The following MAGI2 variants were observed in gnomAD, a reference collection of about 807,000 sequenced individuals.
MAGI2 encodes the protein membrane associated guanylate kinase, WW and PDZ domain containing 2.
MAGI2 carries 35 observed loss-of-function variants against 133.3 expected under a neutral mutation model. The ratio of observed to expected loss-of-function variants is 0.26; its 90% CI spans 0.20 to 0.35. MAGI2 has a LOEUF of 0.35. Ranked by LOEUF, MAGI2 falls within the 10% of genes least tolerant of loss-of-function variation. The probability of loss-of-function intolerance (pLI) is 1.00; values close to 1 mark genes in which losing one functional copy is unlikely to be tolerated. For missense variants in MAGI2, 1,636 were observed against 1,863.4 expected (o/e 0.88, Z 2.25); for synonymous variants, 729 against 710.6 (o/e 1.03, Z -0.41).
intron 1 of MAGI2, among the ~76,000 whole-genome samples, chr7:79,367,082 C>G (rs749398965): frequency 1.3e-5 from 2 of 152,198 alleles, no homozygotes; most frequent in Admixed American, 6.5e-5. Flanking sequence ...TGCAAATTAA[C>G]TGATCCTGGC....
intron 2 of MAGI2, among the ~76,000 whole-genome samples, chr7:78,912,767 CATATATATATCATTCAT>C (rs1273029367): frequency 1.4e-3 from 202 of 143,968 alleles, no homozygotes; most frequent in African/African-American, 4.7e-3. Flanking sequence ...ATATATCATT[CATATATATATCATTCAT>C]ATATATATAT....
chr7:79,162,130 T>G (rs1367153409), intron 1 of MAGI2, among the ~76,000 whole-genome samples: 2 of 152,080 alleles, frequency 1.3e-5, no homozygotes, highest in Non-Finnish European at 2.9e-5. Context: ...AGCCCTAAGT[T>G]GTTTTTTCGA....
chr7:79,308,928 T>G (rs1412238305), intron 1 of MAGI2, among the ~76,000 whole-genome samples: 2 of 152,226 alleles, frequency 1.3e-5, no homozygotes, highest in Non-Finnish European at 2.9e-5. Context: ...ACCTCAAAAT[T>G]AATTCAAAGT....
chr7:78,233,219 CAAAAA>C (rs1393894081), intron 10 of MAGI2, among the ~76,000 whole-genome samples: 1 of 151,948 alleles, frequency 6.6e-6, no homozygotes, highest in African/African-American at 2.4e-5. Flanking sequence ...AGTGATAAAA[CAAAAA>C]GGTTAACAAG....
intron 3 of MAGI2, among the ~76,000 whole-genome samples, chr7:78,607,487 G>C (rs959238383): frequency 3.8e-5 from 4 of 105,906 alleles, no homozygotes; most frequent in African/African-American, 1.5e-4. Flanking sequence ...TCATTAGAAA[G>C]AAGTCAAACT....
chr7:79,298,122 A>G (rs1837087083), intron 1 of MAGI2, among the ~76,000 whole-genome samples: 1 of 152,220 alleles, frequency 6.6e-6, no homozygotes, highest in Non-Finnish European at 1.5e-5. Context: ...ACATTTTATC[A>G]GAGAACGATG....
intron 2 of MAGI2, among the ~76,000 whole-genome samples, chr7:78,663,177 A>T (rs1262575057): frequency 2.7e-5 from 4 of 150,562 alleles, no homozygotes; most frequent in African/African-American, 7.3e-5. Context: ...CTTCAGTTAA[A>T]GCCAAGATTT....
At chr7:79,414,093 T>G (rs1690735449) in intron 1 of MAGI2, 1 of 152,168 alleles carries the variant, frequency 6.6e-6, no homozygotes, top group African/African-American at 2.4e-5. Context: ...AAGGCATTGG[T>G]AGGATACTAC....
chr7:78,056,939 T>A (rs1462705330), intron 21 of MAGI2, among the ~76,000 whole-genome samples: 3 of 152,020 alleles, frequency 2.0e-5, no homozygotes, highest in Non-Finnish European at 4.4e-5. Context: ...CTGCTCCACC[T>A]TTTGGTTATT....
chr7:78,695,766 G>A (rs187517244), intron 2 of MAGI2, among the ~76,000 whole-genome samples: 1 of 152,288 alleles, frequency 6.6e-6, no homozygotes, highest in East Asian at 1.9e-4. Context: ...TTTATTACAG[G>A]AATGGTTTGA....
chr7:78,210,232 C>G (rs1483601756), intron 10 of MAGI2, among the ~76,000 whole-genome samples: 1 of 152,172 alleles, frequency 6.6e-6, no homozygotes, highest in Non-Finnish European at 1.5e-5. Flanking sequence ...ATCCCCAGTA[C>G]TTAGCAAATA....
At chr7:78,853,617 A>G (rs1793368919) in intron 2 of MAGI2, among the ~76,000 whole-genome samples, 2 of 151,654 alleles carry the variant, frequency 1.3e-5, no homozygotes, top group Admixed American at 1.3e-4. Context: ...CGACCTCCCA[A>G]AGTGCTGTGG....
chr7:79,089,338 G>T lies in MAGI2; in HGVS notation c.302-82132C>A, dbSNP rs558985503. 6.6e-5 allele frequency among the ~76,000 whole-genome samples: 10 copies of T among 152,146 alleles called. No individual in the cohort carries two copies. In the East Asian group the frequency reaches 1.9e-3, roughly 29 times the overall value. On this transcript the variant is annotated intron_variant, in intron 1 of 21. Transcript: ENST00000354212. ...GGAGAGGATGGAGAGAAATATGAACGTTTTTACACTGGTAGTAGGAGTGCA... is the reference window on the plus strand; with the variant it reads ...GGAGAGGATGGAGAGAAATATGAACTTTTTTACACTGGTAGTAGGAGTGCA...
intron 1 of MAGI2, among the ~76,000 whole-genome samples, chr7:79,408,862 G>GA (rs1399165051): frequency 6.6e-6 from 1 of 152,114 alleles, no homozygotes; most frequent in Non-Finnish European, 1.5e-5. Flanking sequence ...GAATTCTAAA[G>GA]ATGTGAATTC....
chr7:78,446,339 G>C (rs934602192), intron 6 of MAGI2, among the ~76,000 whole-genome samples: 1 of 151,934 alleles, frequency 6.6e-6, no homozygotes, highest in African/African-American at 2.4e-5. Flanking sequence ...ACTTAAACTG[G>C]CATAAATATG....
chr7:79,432,276 G>A (rs1416903586), intron 1 of MAGI2, among the ~76,000 whole-genome samples: 1 of 152,208 alleles, frequency 6.6e-6, no homozygotes, highest in African/African-American at 2.4e-5. Flanking sequence ...TCTTAGAGGA[G>A]AGGGATGTGT....
chr7:78,031,853 G>A (rs910538812), intron 21 of MAGI2, among the ~76,000 whole-genome samples: 1 of 152,062 alleles, frequency 6.6e-6, no homozygotes, highest in Non-Finnish European at 1.5e-5. Context: ...ACCTTCTGGG[G>A]TATTCATGAT....
chr7:78,769,186 T>G (rs1825326877), intron 2 of MAGI2, among the ~76,000 whole-genome samples: 1 of 152,046 alleles, frequency 6.6e-6, no homozygotes, highest in African/African-American at 2.4e-5. Flanking sequence ...ATCACAATGC[T>G]AAAAAGGGAA....
intron 6 of MAGI2, among the ~76,000 whole-genome samples, chr7:78,385,609 T>C (rs1795311738): frequency 6.6e-6 from 1 of 152,198 alleles, no homozygotes; most frequent in African/African-American, 2.4e-5. Context: ...CAGATGTGTA[T>C]GTGGGGTTTC....
Sources: gnomAD v4.1 joint callset for allele counts (sites outside exome capture counted in the v4.1 genomes callset) on GRCh38, gnomAD v4.1.1 for gene constraint, MANE v1.5 for transcripts, NCBI Gene and HGNC (gene_info 2026-07-23, HGNC 2026-07-21) for gene names.